The following SLC24A2 variants were observed in gnomAD, a reference collection of about 807,000 sequenced individuals.
The protein encoded by SLC24A2 is solute carrier family 24 member 2.
A neutral mutation model predicts 62.0 loss-of-function variants in SLC24A2; 36 were observed. The ratio of observed to expected loss-of-function variants is 0.58; its 90% CI spans 0.44 to 0.77. The LOEUF is 0.77. SLC24A2 is among the 30% of genes least tolerant of loss of function. SLC24A2 has a pLI of 0.00. For missense variants in SLC24A2, 846 were observed against 817.9 expected (o/e 1.03, Z -0.42); for synonymous variants, 358 against 294.0 (o/e 1.22, Z -2.23).
intron 2 of SLC24A2, among the ~76,000 whole-genome samples, chr9:19,663,169 G>A (rs1317523535): frequency 6.6e-6 from 1 of 152,184 alleles, no homozygotes; most frequent in African/African-American, 2.4e-5. Flanking sequence ...CAAGTGAGGG[G>A]CTGCTACCCA....
At chr9:20,116,111 A>C in the SLC24A2 span, among the ~76,000 whole-genome samples, 1 of 152,188 alleles carries the variant, frequency 6.6e-6, no homozygotes, top group Admixed American at 6.6e-5. Context: ...AAGACCAAAA[A>C]GTAAGATATG....
chr9:20,265,725 T>C, the SLC24A2 span, among the ~76,000 whole-genome samples: 20 of 152,196 alleles, frequency 1.3e-4, no homozygotes, highest in Non-Finnish European at 1.8e-4. Flanking sequence ...ACAAGAGAGA[T>C]AACCTTAAAC....
At chr9:19,653,910 TCTGA>T (rs1012243866) in intron 2 of SLC24A2, among the ~76,000 whole-genome samples, 7 of 152,200 alleles carry the variant, frequency 4.6e-5, no homozygotes, top group Non-Finnish European at 8.8e-5. Context: ...AAACTATGTG[TCTGA>T]CTTTTAAAAA....
chr9:19,946,991 A>C, the SLC24A2 span, among the ~76,000 whole-genome samples: 1 of 152,334 alleles, frequency 6.6e-6, no homozygotes, highest in South Asian at 2.1e-4. Flanking sequence ...GGTTGTCATA[A>C]AACCCCTGTC....
the SLC24A2 span, among the ~76,000 whole-genome samples, chr9:20,268,212 G>C: frequency 6.6e-6 from 1 of 152,148 alleles, no homozygotes; most frequent in Non-Finnish European, 1.5e-5. Context: ...ATTGAAAACT[G>C]ACAATAGGGA....
the SLC24A2 span, among the ~76,000 whole-genome samples, chr9:19,851,163 G>A: frequency 1.3e-4 from 19 of 148,018 alleles, 1 homozygote; most frequent in Non-Finnish European, 1.8e-4. Flanking sequence ...AGTTGGGATT[G>A]TAGGAGCCCA....
chr9:20,007,528 A>T, the SLC24A2 span, among the ~76,000 whole-genome samples: 711 of 152,256 alleles, frequency 4.7e-3, 4 homozygotes, highest in Non-Finnish European at 6.3e-3. Flanking sequence ...TATGTATATA[A>T]ATTCATATAC....
intron 2 of SLC24A2, among the ~76,000 whole-genome samples, chr9:19,762,268 C>A (rs951264050): frequency 4.6e-5 from 7 of 152,206 alleles, no homozygotes; most frequent in Non-Finnish European, 8.8e-5. Flanking sequence ...TGCCTGTTCA[C>A]ACCGATGATA....
chr9:20,007,484 C>G, the SLC24A2 span, among the ~76,000 whole-genome samples: 2 of 151,970 alleles, frequency 1.3e-5, no homozygotes, highest in African/African-American at 4.8e-5. Context: ...AATCAGTTAC[C>G]TTTATATAAA....
intron 2 of SLC24A2, among the ~76,000 whole-genome samples, chr9:19,674,943 A>G (rs199744409): frequency 6.6e-6 from 1 of 152,142 alleles, no homozygotes; most frequent in African/African-American, 2.4e-5. Flanking sequence ...GTTTTGTCAT[A>G]TTACCAGGAT....
At chr9:19,893,591 T>A in the SLC24A2 span, among the ~76,000 whole-genome samples, 1 of 152,236 alleles carries the variant, frequency 6.6e-6, no homozygotes, top group African/African-American at 2.4e-5. Context: ...TTTATTCTTA[T>A]AATTCAGTCC....
At chr9:20,120,179 T>C in the SLC24A2 span, among the ~76,000 whole-genome samples, 1 of 152,194 alleles carries the variant, frequency 6.6e-6, no homozygotes. Flanking sequence ...TTTCCACTGT[T>C]TTGAAAAATA....
chr9:20,059,899 C>T, the SLC24A2 span, among the ~76,000 whole-genome samples: 1 of 151,592 alleles, frequency 6.6e-6, no homozygotes, highest in East Asian at 1.9e-4. Flanking sequence ...GTTTGCCACA[C>T]GATTAGGTAA....
chr9:20,211,644 A>G, the SLC24A2 span, among the ~76,000 whole-genome samples: 1 of 152,256 alleles, frequency 6.6e-6, no homozygotes, highest in Non-Finnish European at 1.5e-5. Flanking sequence ...AAAAACTGTC[A>G]AACATTATTC....
At chr9:20,237,421 G>C in the SLC24A2 span, among the ~76,000 whole-genome samples, 1 of 152,210 alleles carries the variant, frequency 6.6e-6, no homozygotes, top group Admixed American at 6.5e-5. Flanking sequence ...TTGGGGCCCA[G>C]GTCTTTCTGA....
At chr9:19,780,736 G>A (rs543291794) in intron 2 of SLC24A2, among the ~76,000 whole-genome samples, 4 of 151,574 alleles carry the variant, frequency 2.6e-5, no homozygotes, top group Non-Finnish European at 1.5e-5. Flanking sequence ...AGCCGGGCGC[G>A]GTGGCAGGCA....
the SLC24A2 span, among the ~76,000 whole-genome samples, chr9:20,003,260 C>G: frequency 4.4e-4 from 67 of 152,292 alleles, no homozygotes; most frequent in African/African-American, 1.5e-3. Flanking sequence ...CAAAATGATG[C>G]TTGTAAGACT....
At chr9:20,076,063 C>T in the SLC24A2 span, among the ~76,000 whole-genome samples, 1 of 152,134 alleles carries the variant, frequency 6.6e-6, no homozygotes, top group Admixed American at 6.6e-5. Flanking sequence ...AGAAAAAAGT[C>T]TGAATGCTTT....
the SLC24A2 span, among the ~76,000 whole-genome samples, chr9:20,137,267 C>A: frequency 2.6e-4 from 39 of 152,266 alleles, no homozygotes; most frequent in Admixed American, 1.0e-3. Flanking sequence ...TAAAAGATCA[C>A]TTGCATAGTT....
Sources: allele counts gnomAD v4.1 joint callset (sites outside exome capture counted in the v4.1 genomes callset), GRCh38; gene constraint gnomAD v4.1.1; transcripts MANE v1.5; gene names NCBI Gene and HGNC (gene_info 2026-07-23, HGNC 2026-07-21).